UBE2V1: variants seen among roughly 807,000 people sequenced by gnomAD.
UBE2V1 encodes the protein ubiquitin conjugating enzyme E2 V1.
Under a neutral mutation model 19.6 loss-of-function variants are expected in UBE2V1, and 15 were observed. The ratio of observed to expected loss-of-function variants is 0.77; its 90% CI spans 0.51 to 1.18. The LOEUF is 1.18. Among genes scored for constraint, UBE2V1 ranks in the 50% most tolerant of loss-of-function variants. The probability of loss-of-function intolerance (pLI) is 0.00; values close to 1 mark genes in which losing one functional copy is unlikely to be tolerated. For synonymous variants in UBE2V1, 60 were observed against 60.7 expected (o/e 0.99, Z 0.05); for missense variants, 125 against 184.8 (o/e 0.68, Z 1.88).
rs117232857 is a variant in UBE2V1, at chr20:50,108,584, G to A, written c.22+4523C>T. Among the ~76,000 whole-genome samples the A allele has an allele frequency of 5.2e-3, 794 of 152,228 alleles. 2 individuals are homozygous for A. The highest frequency in any genetic ancestry group is 8.4e-3 in the Non-Finnish European group (571 of 68,018). ...GGCCTGTTTCCTCACCTTCACAATC[G>A]ATACCTGCCTCAATGGGCTGTTGTG... On this transcript the variant is annotated intron_variant, in intron 1 of 3. Transcript: ENST00000371674.
At chr20:50,090,447 C>A (rs1395364620) in intron 2 of UBE2V1, among the ~76,000 whole-genome samples, 2 of 145,840 alleles carry the variant, frequency 1.4e-5, no homozygotes, top group Admixed American at 1.4e-4. Flanking sequence ...GCACTCCAGC[C>A]TGGGCAACAG....
At chr20:50,084,325 C>A in intron 2 of UBE2V1, 71 bp from the exon 3 acceptor site, 1 of 1,605,474 alleles carries the variant, frequency 6.2e-7, no homozygotes, top group South Asian at 1.1e-5. Flanking sequence ...GCTTGTGAAA[C>A]CCCATTTATC....
In UBE2V1 at chr20:50,113,110, A is replaced by G. The variant is rs1433868942; in HGVS notation, c.19T>C (p.Ser7Pro). Reference sequence around the variant, plus strand: ...CGGGCCCGGCGCCCCCGCTCACCCGAGCCCGTGGTGGCTGCCATCTTGCGT... The same window carrying G: ...CGGGCCCGGCGCCCCCGCTCACCCGGGCCCGTGGTGGCTGCCATCTTGCGT... MAATTG[S>P]GVKVPRNFRL... is the part of the protein sequence containing the mutation. Residue 7 changes from serine to proline, a missense_variant, in exon 1 of 4, where the codon TCG becomes CCG. This residue lies in a region of UBE2V1 where 28 missense variants were observed against 22.5 expected (regional missense o/e 1.25). Transcript: ENST00000371674. 75 of 1,326,476 alleles carry G rather than the reference A, an allele frequency of 5.7e-5. No individual in the cohort carries two copies. Among genetic ancestry groups the G allele is most frequent in the Non-Finnish European group, 7.0e-5 (71 of 1,013,084 alleles). The allele number at this position is 1,326,476 out of a possible 1,614,324, so 82.2% of individuals were successfully genotyped here. A position where few individuals can be genotyped will look rare whatever the true frequency, so the allele number is the denominator to read the frequency against.
At chr20:50,111,674 C>T (rs188214323) in intron 1 of UBE2V1, 1 of 803,104 alleles carries the variant, frequency 1.2e-6, no homozygotes, top group South Asian at 5.7e-5. Flanking sequence ...CAGTCAGATC[C>T]CCCACATTCA....
At chr20:50,101,690 T>C (rs773553916) in intron 1 of UBE2V1, among the ~76,000 whole-genome samples, 3 of 151,526 alleles carry the variant, frequency 2.0e-5, no homozygotes, top group Admixed American at 6.6e-5. Context: ...CAGTAACATA[T>C]AGGCACACAC....
At chr20:50,093,316 C>A (rs1037485736) in intron 2 of UBE2V1, among the ~76,000 whole-genome samples, 2 of 152,148 alleles carry the variant, frequency 1.3e-5, no homozygotes, top group African/African-American at 2.4e-5. Flanking sequence ...AAAACAATAA[C>A]AAAAACCTAA....
chr20:50,113,158 C>G (rs767332719), upstream of UBE2V1: 11 of 1,317,866 alleles, frequency 8.3e-6, no homozygotes, highest in Non-Finnish European at 9.8e-6. Context: ...AAGGCCGGCC[C>G]CTTCTTCACC....
intron 2 of UBE2V1, among the ~76,000 whole-genome samples, chr20:50,089,051 A>G (rs2079079161): frequency 6.6e-6 from 1 of 152,226 alleles, no homozygotes; most frequent in African/African-American, 2.4e-5. Context: ...AGGAAAAAAG[A>G]CTCCACACTA....
intron 3 of UBE2V1, 49 bp from the exon 4 acceptor site, chr20:50,082,963 A>G (rs779000388): frequency 8.2e-6 from 13 of 1,593,834 alleles, no homozygotes; most frequent in African/African-American, 1.3e-5. Flanking sequence ...CTCAAACAAA[A>G]TAGCTATATG....
intron 1 of UBE2V1, among the ~76,000 whole-genome samples, chr20:50,102,142 T>C (rs1449338978): frequency 6.6e-6 from 1 of 152,094 alleles, no homozygotes; most frequent in Non-Finnish European, 1.5e-5. Flanking sequence ...TGACCGAACA[T>C]GTGGCATCAA....
intron 2 of UBE2V1, among the ~76,000 whole-genome samples, chr20:50,093,798 T>C (rs766010938): frequency 6.6e-6 from 1 of 151,534 alleles, no homozygotes; most frequent in Non-Finnish European, 1.5e-5. Context: ...AAGACCAGCC[T>C]GGCTAAGATG....
chr20:50,097,803 C>T (rs2079726989), intron 1 of UBE2V1, among the ~76,000 whole-genome samples: 1 of 152,198 alleles, frequency 6.6e-6, no homozygotes, highest in South Asian at 2.1e-4. Flanking sequence ...ACAGGACTAA[C>T]CATGTGACTG....
intron 1 of UBE2V1, among the ~76,000 whole-genome samples, chr20:50,107,260 C>G (rs2080448147): frequency 6.6e-6 from 1 of 152,206 alleles, no homozygotes; most frequent in East Asian, 1.9e-4. Flanking sequence ...ATTCCTGAAT[C>G]TGAAACTCCA....
intron 1 of UBE2V1, 28 bp from the exon 2 acceptor site, chr20:50,096,848 T>C (rs1208102071): frequency 8.7e-6 from 14 of 1,613,134 alleles, no homozygotes; most frequent in Middle Eastern, 1.6e-4. Flanking sequence ...AAATTCAAGA[T>C]ACCAGCAACT....
upstream of UBE2V1, chr20:50,115,436 A>G: frequency 1.4e-6 from 2 of 1,476,094 alleles, no homozygotes; most frequent in Non-Finnish European, 9.1e-7. Context: ...GGGTCACTGT[A>G]AAGCATCAGT....
At chr20:50,090,158 A>G (rs1048377184) in intron 2 of UBE2V1, among the ~76,000 whole-genome samples, 3 of 152,192 alleles carry the variant, frequency 2.0e-5, no homozygotes, top group African/African-American at 7.2e-5. Context: ...TCCAACATCT[A>G]TTTGATCAAC....
chr20:50,111,273 T>C (rs372251282), intron 1 of UBE2V1: 7 of 986,574 alleles, frequency 7.1e-6, no homozygotes, highest in Admixed American at 6.1e-5. Flanking sequence ...ACCATAGCCA[T>C]TTATGAAGCA....
intron 1 of UBE2V1, among the ~76,000 whole-genome samples, chr20:50,101,423 T>TC (rs2079981197): frequency 1.3e-5 from 2 of 150,972 alleles, no homozygotes; most frequent in South Asian, 4.2e-4. Context: ...GAACTTTTTT[T>TC]TTTTTTTTTT....
intron 2 of UBE2V1, among the ~76,000 whole-genome samples, chr20:50,086,236 C>T (rs1404689298): frequency 6.6e-6 from 1 of 152,152 alleles, no homozygotes; most frequent in Non-Finnish European, 1.5e-5. Context: ...TTGGGGCTCT[C>T]ACCCCAGCTG....
Sources: gnomAD v4.1 joint callset for allele counts (sites outside exome capture counted in the v4.1 genomes callset) on GRCh38, gnomAD v4.1.1 for gene constraint, gnomAD v4.1.1 regional missense constraint, MANE v1.5 for transcripts, NCBI Gene and HGNC (gene_info 2026-07-23, HGNC 2026-07-21) for gene names.